MTUS2: variants seen among roughly 807,000 people sequenced by gnomAD.
MTUS2 encodes the protein microtubule associated scaffold protein 2.
MTUS2 carries 40 observed loss-of-function variants against 114.1 expected under a neutral mutation model. The ratio of observed to expected loss-of-function variants is 0.35; its 90% CI spans 0.27 to 0.46. The LOEUF is 0.46. MTUS2 is among the 20% of genes least tolerant of loss of function. MTUS2 has a pLI of 1.00. For missense variants in MTUS2, 1,679 were observed against 1,705.4 expected, an observed-to-expected ratio of 0.98 and a Z score of 0.27; for synonymous variants, 688 against 672.0, an observed-to-expected ratio of 1.02 and a Z score of -0.37.
intron 2 of MTUS2, among the ~76,000 whole-genome samples, chr13:28,887,311 A>G (rs1593271788): frequency 6.6e-6 from 1 of 151,940 alleles, no homozygotes; most frequent in African/African-American, 2.4e-5. Context: ...TCTTCCAGAT[A>G]CCCTCGCCCC....
intron 6 of MTUS2, among the ~76,000 whole-genome samples, chr13:29,289,301 A>C (rs1014360153): frequency 2.6e-5 from 4 of 152,226 alleles, no homozygotes; most frequent in African/African-American, 9.6e-5. Flanking sequence ...ACACCAGTCC[A>C]GCTCCGCCTG....
At chr13:29,346,979 C>T (rs1443265717) in intron 7 of MTUS2, among the ~76,000 whole-genome samples, 1 of 151,566 alleles carries the variant, frequency 6.6e-6, no homozygotes, top group African/African-American at 2.4e-5. Flanking sequence ...AGTCGTTCCC[C>T]TTTCACACTT....
intron 4 of MTUS2, among the ~76,000 whole-genome samples, chr13:29,098,402 T>A (rs1324237759): frequency 6.6e-6 from 1 of 152,112 alleles, no homozygotes; most frequent in Non-Finnish European, 1.5e-5. Context: ...ACAAAAATTG[T>A]ATGCGCAGAG....
intron 5 of MTUS2, among the ~76,000 whole-genome samples, chr13:29,278,665 G>A (rs1898156178): frequency 6.6e-6 from 1 of 152,210 alleles, no homozygotes; most frequent in African/African-American, 2.4e-5. Flanking sequence ...AATTTGGAAA[G>A]CAATTTTGAA....
At chr13:29,359,056 C>G (rs541966959) in intron 7 of MTUS2, among the ~76,000 whole-genome samples, 10 of 151,858 alleles carry the variant, frequency 6.6e-5, no homozygotes, top group African/African-American at 2.2e-4. Flanking sequence ...TTTTTCCAAG[C>G]ACGAAACCTT....
Position 29,505,482 on chromosome 13 carries a change from G to A in MTUS2, c.*2276G>A, listed in dbSNP as rs999680548. ...TTGTTTGTTTTTTTTCTTTTGTTAC[G>A]GACACCCATCATGTATGGCTCCTCA... On this transcript the variant is annotated 3_prime_UTR_variant, in exon 16 of 16. Transcript: ENST00000612955. 16 of 227,034 alleles carry A rather than the reference G, an allele frequency of 7.0e-5. No individual in the cohort carries two copies. Among genetic ancestry groups the A allele is most frequent in the African/African-American group, 1.6e-4 (7 of 44,372 alleles). 14.1% of individuals were successfully genotyped at this position (227,034 alleles called of 1,614,324 possible).
rs373338957 is a variant in MTUS2, at chr13:29,215,368, T to C, written c.2645-66336T>C. On this transcript the variant is annotated intron_variant, in intron 5 of 15. Transcript: ENST00000612955. ...CTGTCTGAATCCTACTTCTGTCAAT[T>C]CATCATATTCATTCTCTGTGCAGTT... is the stretch of plus-strand genomic sequence containing the variant. Among the ~76,000 whole-genome samples, 85 of 152,170 alleles carry C rather than the reference T, an allele frequency of 5.6e-4. 1 individual carries two copies. In the South Asian group the frequency reaches 8.3e-3, roughly 15 times the overall value.
intron 2 of MTUS2, among the ~76,000 whole-genome samples, chr13:28,923,461 G>T (rs984168022): frequency 6.6e-6 from 1 of 152,200 alleles, no homozygotes; most frequent in Non-Finnish European, 1.5e-5. Flanking sequence ...ACATTTGTGG[G>T]TTGTGATTCC....
chr13:29,503,826 G>A lies in MTUS2; in HGVS notation c.*620G>A, dbSNP rs1179180926. ...TTTAACACGAACACCAGCTATTTGT[G>A]AACGGTAACTGCCTTTGGAACAATC... is the stretch of plus-strand genomic sequence containing the variant. On this transcript the variant is annotated 3_prime_UTR_variant, in exon 16 of 16. Coordinates refer to ENST00000612955, the MANE Select transcript of MTUS2 (RefSeq NM_001033602.4). The A allele has an allele frequency of 2.1e-5, 5 of 233,666 alleles. No homozygotes were observed. Among genetic ancestry groups the A allele is most frequent in the Non-Finnish European group, 3.4e-5 (4 of 118,142 alleles). 14.5% of individuals were successfully genotyped at this position (233,666 alleles called of 1,614,324 possible). A position where few individuals can be genotyped will look rare whatever the true frequency, so the allele number is the denominator to read the frequency against.
chr13:28,936,118 A>T (rs778424478), intron 2 of MTUS2, among the ~76,000 whole-genome samples: 7 of 152,246 alleles, frequency 4.6e-5, no homozygotes, highest in Admixed American at 2.6e-4. Context: ...ATCATGCCTC[A>T]CCATGTTCTT....
chr13:29,004,311 A>C (rs1314075947), intron 2 of MTUS2, among the ~76,000 whole-genome samples: 3 of 152,238 alleles, frequency 2.0e-5, no homozygotes, highest in Admixed American at 6.5e-5. Context: ...TCATTTAAAA[A>C]AATGCTGGCC....
intron 5 of MTUS2, among the ~76,000 whole-genome samples, chr13:29,213,767 T>G (rs530372393): frequency 3.9e-4 from 59 of 152,304 alleles, no homozygotes; most frequent in African/African-American, 1.3e-3. Flanking sequence ...ATCTTATATT[T>G]TTATCCCATC....
intron 8 of MTUS2, among the ~76,000 whole-genome samples, chr13:29,424,000 G>C (rs1876314801): frequency 1.3e-5 from 2 of 151,080 alleles, no homozygotes; most frequent in African/African-American, 2.4e-5. Context: ...GAATAGCTGG[G>C]ATTACAGGTG....
At chr13:29,226,471 C>A (rs993760665) in intron 5 of MTUS2, among the ~76,000 whole-genome samples, 3 of 152,080 alleles carry the variant, frequency 2.0e-5, no homozygotes, top group African/African-American at 7.2e-5. Context: ...AGGCACCTTC[C>A]CTCAGTCAGA....
rs1233045696 is a variant in MTUS2, at chr13:29,135,081, C to T, written c.2644+34111C>T. Among the ~76,000 whole-genome samples the T allele has an allele frequency of 5.3e-5, 8 of 152,290 alleles. No individual in the cohort carries two copies. The South Asian group carries it at 1.2e-3, about 24-fold the overall frequency. On this transcript the variant is annotated intron_variant, in intron 5 of 15. Transcript: ENST00000612955. ...AATTATTGTATGCCCTTCTGAATAG[C>T]GCAGTGAAATCTCACACTGTCCCAC... is the stretch of plus-strand genomic sequence containing the variant.
intron 7 of MTUS2, among the ~76,000 whole-genome samples, chr13:29,351,791 T>A (rs7987586): frequency 0.11 from 17,240 of 151,256 alleles, 1,136 homozygotes; most frequent in African/African-American, 0.18. Context: ...TTTTTTTTTT[T>A]TTTTGTAGAG....
intron 6 of MTUS2, among the ~76,000 whole-genome samples, chr13:29,307,976 T>C (rs1433461427): frequency 3.3e-5 from 5 of 151,738 alleles, no homozygotes; most frequent in Admixed American, 1.3e-4. Context: ...CTGTGCTCAG[T>C]CAAAAAAAGA....
chr13:28,894,329 G>GGGGA (rs1879130694), intron 2 of MTUS2, among the ~76,000 whole-genome samples: 1 of 60,870 alleles, frequency 1.6e-5, no homozygotes, highest in Non-Finnish European at 3.0e-5. Flanking sequence ...AGGGAGGGAG[G>GGGGA]GAGAGAGAGA....
intron 2 of MTUS2, among the ~76,000 whole-genome samples, chr13:28,862,837 A>G (rs936050305): frequency 6.6e-6 from 1 of 152,228 alleles, no homozygotes; most frequent in Admixed American, 6.5e-5. Context: ...ATACAAAATG[A>G]CTTCAATTAA....
Sources: gnomAD v4.1 joint callset for allele counts (sites outside exome capture counted in the v4.1 genomes callset) on GRCh38, gnomAD v4.1.1 for gene constraint, MANE v1.5 for transcripts, NCBI Gene and HGNC (gene_info 2026-07-23, HGNC 2026-07-21) for gene names.